Variants in R3HCC1L observed in about 807,000 individuals in gnomAD.
The protein encoded by R3HCC1L is coiled-coil domain-containing protein R3HCC1L.
R3HCC1L carries 51 observed loss-of-function variants against 59.9 expected under a neutral mutation model. The ratio of observed to expected loss-of-function variants is 0.85; its 90% CI spans 0.68 to 1.07. The LOEUF (loss-of-function observed/expected upper bound fraction) is 1.07. Ranked by LOEUF, R3HCC1L falls within the 50% of genes least tolerant of loss-of-function variation. R3HCC1L has a pLI of 0.00. For synonymous variants in R3HCC1L, 322 were observed against 315.2 expected (o/e 1.02, Z -0.23); for missense variants, 965 against 933.0 (o/e 1.03, Z -0.45).
chr10:98,171,878 G>A (rs975568033), intron 4 of R3HCC1L, among the ~76,000 whole-genome samples: 3 of 152,140 alleles, frequency 2.0e-5, no homozygotes, highest in African/African-American at 7.2e-5. Context: ...TGAGATGAGT[G>A]TCTAGAATGT....
intron 6 of R3HCC1L, among the ~76,000 whole-genome samples, chr10:98,234,084 A>T (rs549695225): frequency 3.4e-5 from 5 of 148,566 alleles, no homozygotes; most frequent in Admixed American, 1.3e-4. Flanking sequence ...CTTATATTCT[A>T]CCCCTCCTCT....
chr10:98,154,265 T>G (rs1846612534), intron 1 of R3HCC1L, among the ~76,000 whole-genome samples: 1 of 150,470 alleles, frequency 6.6e-6, no homozygotes, highest in African/African-American at 2.4e-5. Context: ...TGAGGCATTG[T>G]GGGGAGCCTC....
chr10:98,209,969 G>C, intron 5 of R3HCC1L, 70 bp downstream of exon 5: 1 of 1,238,032 alleles, frequency 8.1e-7, no homozygotes, highest in South Asian at 1.4e-5. Context: ...AATTTTGATA[G>C]ACAGTGATGC....
At chr10:98,197,706 A>G (rs1232642526) in intron 4 of R3HCC1L, among the ~76,000 whole-genome samples, 2 of 152,192 alleles carry the variant, frequency 1.3e-5, no homozygotes, top group African/African-American at 2.4e-5. Flanking sequence ...ACAAAAAGAA[A>G]CTAACTCTAC....
chr10:98,163,775 T>C (rs764205044), intron 4 of R3HCC1L, among the ~76,000 whole-genome samples: 32 of 152,228 alleles, frequency 2.1e-4, no homozygotes, highest in Non-Finnish European at 4.0e-4. Context: ...GCAGTGTTAT[T>C]TTAAGGGTTT....
intron 4 of R3HCC1L, among the ~76,000 whole-genome samples, chr10:98,199,018 TATA>T (rs778626853): frequency 2.0e-5 from 3 of 151,572 alleles, no homozygotes; most frequent in Non-Finnish European, 4.4e-5. Flanking sequence ...CATTTCAACA[TATA>T]ATCAGTATAA....
intron 4 of R3HCC1L, among the ~76,000 whole-genome samples, chr10:98,183,289 C>A (rs1272484886): frequency 6.7e-6 from 1 of 148,624 alleles, no homozygotes; most frequent in South Asian, 2.1e-4. Context: ...GTCTGACTTT[C>A]AAAATTTCTG....
chr10:98,159,055 C>T (rs1847154086), intron 2 of R3HCC1L, among the ~76,000 whole-genome samples: 1 of 152,184 alleles, frequency 6.6e-6, no homozygotes, highest in Non-Finnish European at 1.5e-5. Context: ...ATCCTCTTGC[C>T]TTGGCCTTCC....
chr10:98,242,653 A>T (rs1023633455), intron 9 of R3HCC1L, among the ~76,000 whole-genome samples: 1 of 152,190 alleles, frequency 6.6e-6, no homozygotes, highest in Non-Finnish European at 1.5e-5. Flanking sequence ...ATCTCTTCTC[A>T]TATTACTCTT....
At chr10:98,232,445 C>G (rs1856504782) in intron 6 of R3HCC1L, among the ~76,000 whole-genome samples, 2 of 152,018 alleles carry the variant, frequency 1.3e-5, no homozygotes, top group African/African-American at 4.8e-5. Context: ...ATGTGTATAG[C>G]TGATACTTAT....
chr10:98,165,609 T>C (rs551404708), intron 4 of R3HCC1L, among the ~76,000 whole-genome samples: 19 of 152,360 alleles, frequency 1.2e-4, no homozygotes, highest in African/African-American at 3.4e-4. Flanking sequence ...TTCTGGATAT[T>C]ATTTGGATTG....
intron 5 of R3HCC1L, among the ~76,000 whole-genome samples, chr10:98,229,790 AG>A (rs1264427611): frequency 2.3e-4 from 35 of 152,294 alleles, no homozygotes; most frequent in African/African-American, 7.9e-4. Context: ...TTTAGCATGA[AG>A]GGTTGTTGAA....
chr10:98,217,212 G>C (rs889419760), intron 5 of R3HCC1L, among the ~76,000 whole-genome samples: 1 of 152,116 alleles, frequency 6.6e-6, no homozygotes, highest in Non-Finnish European at 1.5e-5. Context: ...GTAAGAGATA[G>C]GAATCTAGCT....
chr10:98,207,542 C>CT (rs1852831689), intron 4 of R3HCC1L, among the ~76,000 whole-genome samples: 2 of 152,120 alleles, frequency 1.3e-5, no homozygotes, highest in Non-Finnish European at 2.9e-5. Context: ...ATACTTTTCT[C>CT]TTTTTCACTA....
intron 1 of R3HCC1L, among the ~76,000 whole-genome samples, chr10:98,151,745 A>C (rs1285615926): frequency 6.6e-6 from 1 of 152,224 alleles, no homozygotes; most frequent in Non-Finnish European, 1.5e-5. Context: ...AAAAGGAGCC[A>C]GTAAAAGAGT....
chr10:98,222,468 G>A (rs1186033027), intron 5 of R3HCC1L, among the ~76,000 whole-genome samples: 2 of 151,956 alleles, frequency 1.3e-5, no homozygotes, highest in African/African-American at 4.8e-5. Context: ...AGTTTTCAAA[G>A]GGAATGCTTC....
intron 4 of R3HCC1L, among the ~76,000 whole-genome samples, chr10:98,207,604 A>G (rs1852840164): frequency 6.6e-6 from 1 of 152,158 alleles, no homozygotes; most frequent in Non-Finnish European, 1.5e-5. Context: ...TCTAGAAAGC[A>G]TTCTCTGATA....
intron 4 of R3HCC1L, among the ~76,000 whole-genome samples, chr10:98,167,202 A>T (rs1042505256): frequency 1.3e-5 from 2 of 152,174 alleles, no homozygotes; most frequent in Non-Finnish European, 2.9e-5. Context: ...GTGTACAGGC[A>T]TTCTGTTCCT....
At chr10:98,188,124 C>G (rs1850429807) in intron 4 of R3HCC1L, among the ~76,000 whole-genome samples, 1 of 152,130 alleles carries the variant, frequency 6.6e-6, no homozygotes, top group Non-Finnish European at 1.5e-5. Context: ...GGAGAAACAT[C>G]TGAATTGATA....
Sources: allele counts gnomAD v4.1 joint callset (sites outside exome capture counted in the v4.1 genomes callset), GRCh38; gene constraint gnomAD v4.1.1; transcripts MANE v1.5; gene names NCBI Gene and HGNC (gene_info 2026-07-23, HGNC 2026-07-21).